CCDC88B: variants seen among roughly 807,000 people sequenced by gnomAD.
The protein encoded by CCDC88B is coiled-coil and HOOK domain protein 88B.
In CCDC88B, 138 loss-of-function variants were observed where a neutral mutation model predicts 183.7. That is an observed-to-expected ratio of 0.75 (90% CI 0.65 to 0.87). The LOEUF (loss-of-function observed/expected upper bound fraction) is 0.87, where lower values mean the gene tolerates loss of function less well. Ranked by LOEUF, CCDC88B falls within the 40% of genes least tolerant of loss-of-function variation. The probability of loss-of-function intolerance (pLI) is 0.00; values close to 1 mark genes in which losing one functional copy is unlikely to be tolerated. For missense variants in CCDC88B, 1,822 were observed against 1,965.6 expected, an observed-to-expected ratio of 0.93 and a Z score of 1.38; for synonymous variants, 835 against 867.5, an observed-to-expected ratio of 0.96 and a Z score of 0.66.
At chr11:64,340,415 GA>G in intron 1 of CCDC88B, 89 bp downstream of exon 1, 1 of 1,299,102 alleles carries the variant, frequency 7.7e-7, no homozygotes, top group Non-Finnish European at 1.0e-6. Flanking sequence ...GGGTGAGGCA[GA>G]ACCAGGCCGG....
chr11:64,346,803 C>A (rs2036128152), intron 14 of CCDC88B, among the ~76,000 whole-genome samples: 1 of 150,258 alleles, frequency 6.7e-6, no homozygotes, highest in African/African-American at 2.4e-5. Flanking sequence ...TCTTTCTTTT[C>A]TTTTCTTTTC....
rs1389857595 is a variant in CCDC88B at position 64,341,888 on chromosome 11, T to A, written c.676-106T>A. 4.5e-6 allele frequency: 3 copies of A among 673,854 alleles called. No homozygotes were observed. The Admixed American group carries it at 7.6e-5, about 17-fold the overall frequency. 41.7% of individuals were successfully genotyped at this position (673,854 alleles called of 1,614,324 possible). A position where few individuals can be genotyped will look rare whatever the true frequency, so the allele number is the denominator to read the frequency against. On this transcript the variant is annotated intron_variant, in intron 7 of 26. Coordinates refer to ENST00000356786, the MANE Select transcript of CCDC88B (RefSeq NM_032251.6). ...GGCCATCAGTGATGTCACAACCAGATGGCCCAAGACCCCAGACCACAACCC... is the reference window on the plus strand; with the variant it reads ...GGCCATCAGTGATGTCACAACCAGAAGGCCCAAGACCCCAGACCACAACCC...
Position 64,341,651 on chromosome 11 carries a change from G to C in CCDC88B, c.584G>C (p.Gly195Ala), listed in dbSNP as rs756927022. ...CTGGCACTGTCTGGGCCAGATCCTG[G>C]GGAGCTGGCACCTGCCGAGCTGGAG... ...VVLALSGPDP[G>A]ELAPAELEML... The change falls in exon 7 of 27, where the codon GGG becomes GCG. Residue 195 changes from glycine to alanine, a missense_variant. By Grantham distance (60) the Gly-to-Ala change is moderately conservative. Coordinates refer to ENST00000356786, the MANE Select transcript of CCDC88B (RefSeq NM_032251.6). 4 of 1,607,288 alleles carry C rather than the reference G, an allele frequency of 2.5e-6. No individual in the cohort carries two copies. The highest frequency in any genetic ancestry group is 3.4e-6 in the Non-Finnish European group (4 of 1,177,238).
intron 23 of CCDC88B, 69 bp from the exon 24 acceptor site, chr11:64,353,935 T>C (rs2036441109): frequency 1.3e-6 from 2 of 1,560,608 alleles, no homozygotes; most frequent in African/African-American, 2.7e-5. Context: ...GCCTTTGACA[T>C]CCCCAGGACA....
rs1359982533 is a variant in CCDC88B, at chr11:64,353,386, G to T, written c.3723G>T (p.Glu1241Asp). Residue 1241 changes from glutamate to aspartate, a missense_variant, in exon 22 of 27, where the codon GAG (glutamate) becomes GAT (aspartate). Physicochemically the swap from Glu to Asp is conservative, Grantham distance 45. Coordinates refer to ENST00000356786, the MANE Select transcript of CCDC88B (RefSeq NM_032251.6). ...LTQLRSAQEEENRQLLAEVQA... is the reference protein window; with the variant it reads ...LTQLRSAQEEDNRQLLAEVQA... ...AGCTGCGAAGTGCCCAGGAAGAGGA[G>T]AACCGGCAGCTGCTGGCTGAAGTTC... 1.2e-6 allele frequency: 2 copies of T among 1,613,594 alleles called. No homozygotes were observed. The highest frequency in any genetic ancestry group is 2.2e-5 in the South Asian group (2 of 91,066).
At position 64,353,228 on chromosome 11, in the gene CCDC88B, C is replaced by T. The variant is rs780308788; in HGVS notation, c.3675C>T (p.Thr1225=). 1.3e-5 allele frequency: 21 copies of T among 1,565,670 alleles called. No individual in the cohort carries two copies. The highest frequency in any genetic ancestry group is 1.8e-5 in the Non-Finnish European group (21 of 1,154,790). The stretch of plus-strand genomic sequence containing the variant: ...TGGACCTGAGCGCCTGCCGGCTGAC[C>T]ACGCAGTGTGAGGTGTGGCTGGAGG... ...QQLDLSACRL[T]TQCELLTQLR... The change falls in exon 21 of 27, where the codon ACC becomes ACT. Residue 1225 remains threonine, a synonymous_variant. Coordinates refer to ENST00000356786, the MANE Select transcript of CCDC88B (RefSeq NM_032251.6).
rs2135304844 is a variant in CCDC88B, at chr11:64,342,655, C to G, written c.1037C>G (p.Ala346Gly). ...CGCTGCCGCGAGCGGCTGCAGGCGG[C>G]TGAGGCCTACAAGAGTCAGCTGGAG... ...LRRCRERLQA[A>G]EAYKSQLEEE... Residue 346 changes from alanine to glycine, a missense_variant, in exon 10 of 27, where the codon GCT becomes GGT. Ala to Gly is a moderately conservative substitution (Grantham distance 60). Coordinates refer to ENST00000356786, the MANE Select transcript of CCDC88B (RefSeq NM_032251.6). 2 of 1,516,542 alleles carry G rather than the reference C, an allele frequency of 1.3e-6. No homozygotes were observed. Among genetic ancestry groups the G allele is most frequent in the Non-Finnish European group, 8.8e-7 (1 of 1,139,240 alleles). 93.9% of individuals were successfully genotyped at this position (1,516,542 alleles called of 1,614,324 possible).
Position 64,353,727 on chromosome 11 carries a change from T to C in CCDC88B, c.3846T>C (p.Asn1282=), listed in dbSNP as rs2036433966. 3.7e-6 allele frequency: 6 copies of C among 1,613,884 alleles called. No homozygotes were observed. The highest frequency in any genetic ancestry group is 5.1e-6 in the Non-Finnish European group (6 of 1,179,956). The part of the protein sequence containing the change: ...REQREYLDQL[N]ALRREKQKLV... ...TCACTCCTGCCAGGGACCAGCTTAA[T>C]GCCCTGCGCCGCGAGAAGCAGAAGC... The change falls in exon 23 of 27, where the codon AAT becomes AAC. Residue 1282 remains asparagine, a synonymous_variant. Coordinates refer to ENST00000356786, the MANE Select transcript of CCDC88B (RefSeq NM_032251.6).
chr11:64,346,735 C>T lies in CCDC88B; in HGVS notation c.2616+1578C>T, dbSNP rs367761335. ...GATTACAAGCGTGAGCCACCGCGCC[C>T]GGCCAATTTTTGTATTTTTAGTAGA... On this transcript the variant is annotated intron_variant, in intron 14 of 26. Coordinates refer to ENST00000356786, the MANE Select transcript of CCDC88B (RefSeq NM_032251.6). 1.1e-3 allele frequency among the ~76,000 whole-genome samples: 164 copies of T among 146,404 alleles called. No individual in the cohort carries two copies. In the East Asian group the frequency reaches 0.015, roughly 13 times the overall value.
Position 64,343,247 on chromosome 11 carries a change from CCGAGAGCGCTGCGCCCGGCTGCA to C in CCDC88B, c.1137_1159del (p.Glu379AspfsTer31), listed in dbSNP as rs1180512523. ...TGCTGGAAGAGCAGCTGGAGGCTGC[CCGAGAGCGCTGCGCCCGGCTGCA>C]CGAGACCCAGCGCGAGAACCTGCTG... On this transcript the variant is annotated frameshift_variant, in exon 11 of 27. Transcript: ENST00000356786. LOFTEE classifies it high-confidence loss of function. The C allele has an allele frequency of 3.9e-6, 6 of 1,547,944 alleles. No homozygotes were observed. The African/African-American group carries it at 8.2e-5, about 21-fold the overall frequency.
At position 64,341,671 on chromosome 11, in the gene CCDC88B, C is replaced by G. The variant is rs2035861002; in HGVS notation, c.604C>G (p.Leu202Val). 6.2e-7 allele frequency: 1 copy of G among 1,608,114 alleles called. No homozygotes were observed. Among genetic ancestry groups the G allele is most frequent in the Admixed American group, 1.7e-5 (1 of 59,098 alleles). Residue 202 changes from leucine (L) to valine (V), a missense_variant, in exon 7 of 27, where the codon CTG becomes GTG. Coordinates refer to ENST00000356786, the MANE Select transcript of CCDC88B (RefSeq NM_032251.6). ...TCCTGGGGAGCTGGCACCTGCCGAG[C>G]TGGAGATGCTGTCCCGGAGCCTGAT... is the stretch of plus-strand genomic sequence containing the variant. ...PDPGELAPAELEMLSRSLMGT... is the reference protein window; with the variant it reads ...PDPGELAPAEVEMLSRSLMGT...
rs1198890542 is a variant in CCDC88B at position 64,349,647 on chromosome 11, G to A, written c.2841G>A (p.Gln947=). 2 of 1,595,772 alleles carry A rather than the reference G, an allele frequency of 1.3e-6. No individual in the cohort carries two copies. The highest frequency in any genetic ancestry group is 1.7e-6 in the Non-Finnish European group (2 of 1,172,086). The change falls in exon 16 of 27, where the codon CAG becomes CAA. Residue 947 remains glutamine, a synonymous_variant. Transcript: ENST00000356786. The part of the protein sequence containing the change: ...ALMELKTRAL[Q]LEEELFQLRQ... ...TGGAGCTCAAGACCAGGGCCCTGCA[G>A]CTGGAAGAGGAGCTGTTCCAGGTGA...
chr11:64,351,197 G>T lies in CCDC88B; in HGVS notation c.2900G>T (p.Arg967Leu). The part of the protein sequence containing the change: ...QGPAGLGPKK[R>L]AEPQLVETQN... ...CCCGCGGGGCTGGGGCCCAAAAAGCGTGCGGAGCCTCAGCTGGTGGAGACC... is the reference window on the plus strand; with the variant it reads ...CCCGCGGGGCTGGGGCCCAAAAAGCTTGCGGAGCCTCAGCTGGTGGAGACC... Residue 967 changes from arginine to leucine, a missense_variant, in exon 17 of 27, where the codon CGT (arginine) becomes CTT (leucine). Coordinates refer to ENST00000356786, the MANE Select transcript of CCDC88B (RefSeq NM_032251.6). 1 of 1,520,532 alleles carries T rather than the reference G, an allele frequency of 6.6e-7. No individual in the cohort carries two copies. 94.2% of individuals were successfully genotyped at this position (1,520,532 alleles called of 1,614,324 possible). A position where few individuals can be genotyped will look rare whatever the true frequency, so the allele number is the denominator to read the frequency against.
chr11:64,353,679 G>A, intron 22 of CCDC88B, 36 bp from the exon 23 acceptor site: 1 of 1,611,020 alleles, frequency 6.2e-7, no homozygotes, highest in South Asian at 1.1e-5. Context: ...GCCTCCCTGG[G>A]CCTCACACCC....
intron 10 of CCDC88B, 171 bp downstream of exon 10, chr11:64,342,851 A>T: frequency 8.1e-6 from 4 of 491,850 alleles, no homozygotes; most frequent in Non-Finnish European, 1.3e-5. Flanking sequence ...AAGGGCCTCC[A>T]GAGGATGGGG....
At chr11:64,349,721 C>CTGGCATCTGCTCATGGG in intron 16 of CCDC88B, 53 bp downstream of exon 16, 1 of 1,490,810 alleles carries the variant, frequency 6.7e-7, no homozygotes, top group Non-Finnish European at 9.2e-7. Context: ...CCCTCCATCC[C>CTGGCATCTGCTCATGGG]ATGAGCAGAT....
intron 16 of CCDC88B, chr11:64,350,034 G>C (rs563968426): frequency 3.2e-4 from 98 of 307,164 alleles, no homozygotes; most frequent in Non-Finnish European, 4.9e-4. Context: ...GTGGGGTGGT[G>C]GTGGGGCCCA....
At chr11:64,345,740 C>T (rs1042497187) in intron 14 of CCDC88B, among the ~76,000 whole-genome samples, 2 of 152,144 alleles carry the variant, frequency 1.3e-5, no homozygotes, top group African/African-American at 4.8e-5. Flanking sequence ...GGTGTGGTGG[C>T]TCACACCTGT....
chr11:64,342,841 A>G, intron 10 of CCDC88B, 161 bp downstream of exon 10: 1 of 692,690 alleles, frequency 1.4e-6, no homozygotes, highest in South Asian at 2.0e-5. Flanking sequence ...GCGTCTGGGA[A>G]AGGGCCTCCA....
Sources: allele counts gnomAD v4.1 joint callset (sites outside exome capture counted in the v4.1 genomes callset), GRCh38; gene constraint gnomAD v4.1.1; transcripts MANE v1.5; gene names NCBI Gene and HGNC (gene_info 2026-07-23, HGNC 2026-07-21).